The following SEPTIN12 variants were observed in gnomAD, a reference collection of about 807,000 sequenced individuals.
SEPTIN12 encodes septin-12.
SEPTIN12 carries 42 observed loss-of-function variants against 37.7 expected under a neutral mutation model. That is an observed-to-expected ratio of 1.11 (90% CI 0.87 to 1.44). The LOEUF is 1.44. SEPTIN12 is among the 40% of genes most tolerant of loss of function. SEPTIN12 has a pLI of 0.00. For synonymous variants in SEPTIN12, 254 were observed against 196.7 expected (o/e 1.29, Z -2.44); for missense variants, 613 against 479.2 (o/e 1.28, Z -2.61).
At chr16:4,780,629 C>T (rs1034363361) in intron 7 of SEPTIN12, among the ~76,000 whole-genome samples, 3 of 152,118 alleles carry the variant, frequency 2.0e-5, no homozygotes, top group Non-Finnish European at 2.9e-5. Flanking sequence ...TTGCAAACTC[C>T]GAAGTGACAT....
upstream of SEPTIN12, among the ~76,000 whole-genome samples, chr16:4,790,330 G>A (rs984857993): frequency 5.3e-5 from 8 of 152,298 alleles, no homozygotes; most frequent in Non-Finnish European, 1.0e-4. Flanking sequence ...ACAGATGGGC[G>A]TGGCTGTGTC....
chr16:4,778,934 T>C (rs1018881242), intron 8 of SEPTIN12, among the ~76,000 whole-genome samples: 52 of 151,860 alleles, frequency 3.4e-4, no homozygotes, highest in African/African-American at 1.2e-3. Flanking sequence ...GGTCAGGAGT[T>C]TGAGACCAGC....
intron 4 of SEPTIN12, among the ~76,000 whole-genome samples, chr16:4,784,669 C>T (rs1416119561): frequency 6.8e-6 from 1 of 146,416 alleles, no homozygotes; most frequent in Non-Finnish European, 1.5e-5. Context: ...ACTCAGGAGG[C>T]TGAGGCAGGA....
At chr16:4,781,943 CTTTTTTTTTTTT>C (rs571415645) in intron 7 of SEPTIN12, among the ~76,000 whole-genome samples, 1 of 47,450 alleles carries the variant, frequency 2.1e-5, no homozygotes, top group African/African-American at 1.1e-4. Flanking sequence ...CGTGCCCGGC[CTTTTTTTTTTTT>C]TTTTTTTTTT....
intron 7 of SEPTIN12, among the ~76,000 whole-genome samples, chr16:4,781,677 C>T (rs2082372860): frequency 6.7e-6 from 1 of 149,692 alleles, no homozygotes; most frequent in East Asian, 1.9e-4. Context: ...CAGGGTCTCA[C>T]TCCCTTGCCC....
At chr16:4,786,184 T>C (rs1279926125) in intron 2 of SEPTIN12, 79 bp from the exon 3 acceptor site, 4 of 1,502,156 alleles carry the variant, frequency 2.7e-6, no homozygotes, top group African/African-American at 2.8e-5. Context: ...TTTTCTATTT[T>C]ATTTTTGGAG....
intron 7 of SEPTIN12, among the ~76,000 whole-genome samples, chr16:4,781,247 A>G (rs564094830): frequency 6.6e-6 from 1 of 151,072 alleles, no homozygotes; most frequent in Admixed American, 6.6e-5. Flanking sequence ...TGACAGAGGG[A>G]GACTCCATCT....
At chr16:4,779,125 G>A (rs1172518093) in intron 8 of SEPTIN12, among the ~76,000 whole-genome samples, 6 of 151,990 alleles carry the variant, frequency 3.9e-5, no homozygotes, top group Non-Finnish European at 2.9e-5. Context: ...GTGACACTGC[G>A]AGACTCCATC....
chr16:4,783,517 G>C lies in SEPTIN12; in HGVS notation c.671C>G (p.Pro224Arg). 6.2e-7 allele frequency: 1 copy of C among 1,614,140 alleles called. No individual in the cohort carries two copies. The highest frequency in any genetic ancestry group is 8.5e-7 in the Non-Finnish European group (1 of 1,180,026). ...GATGTCCTCGTCAAAGCACATCTGGGGGTAGACGTCGATGCAGTGGGTCCT... is the reference window on the plus strand; with the variant it reads ...GATGTCCTCGTCAAAGCACATCTGGCGGTAGACGTCGATGCAGTGGGTCCT... ...NLRTHCIDVYPQMCFDEDIND... is the reference protein window; with the variant it reads ...NLRTHCIDVYRQMCFDEDIND... The change falls in exon 7 of 10, where the codon CCC becomes CGC. Residue 224 changes from proline to arginine, a missense_variant. Transcript: ENST00000268231.
intron 8 of SEPTIN12, among the ~76,000 whole-genome samples, chr16:4,779,106 C>A (rs2082344891): frequency 6.6e-6 from 1 of 151,592 alleles, no homozygotes; most frequent in Non-Finnish European, 1.5e-5. Context: ...CCACCGCACT[C>A]CAGCTCGGGT....
rs768761387 is a variant in SEPTIN12 at position 4,786,013 on chromosome 16, G to T, written c.259C>A (p.Pro87Thr). The T allele has an allele frequency of 6.2e-7, 1 of 1,613,852 alleles. No homozygotes were observed. Among genetic ancestry groups the T allele is most frequent in the East Asian group, 2.2e-5 (1 of 44,872 alleles). Residue 87 changes from proline to threonine, a missense_variant, in exon 3 of 10, where the codon CCC becomes ACC. Physicochemically the swap from Pro to Thr is conservative, Grantham distance 38. Transcript: ENST00000268231. ...SNPPGLGVPT[P>T]QTLQLHSLTH... Reference sequence around the variant, plus strand: ...AGTGAATGCAGCTGCAGCGTCTGGGGTGTGGGCACCCCCAAGCCCGGTGGG... The same window carrying T: ...AGTGAATGCAGCTGCAGCGTCTGGGTTGTGGGCACCCCCAAGCCCGGTGGG...
chr16:4,779,252 C>T (rs1415951571), intron 8 of SEPTIN12, among the ~76,000 whole-genome samples: 1 of 151,920 alleles, frequency 6.6e-6, no homozygotes, highest in African/African-American at 2.4e-5. Context: ...CCGCCACAAT[C>T]GCCTTCACTG....
upstream of SEPTIN12, among the ~76,000 whole-genome samples, chr16:4,789,215 T>C (rs1018508054): frequency 7.9e-5 from 12 of 152,236 alleles, no homozygotes; most frequent in Admixed American, 7.9e-4. Context: ...TTTCACCACA[T>C]TGGTCAGGCT....
At chr16:4,784,392 T>C in intron 4 of SEPTIN12, 1 of 322,058 alleles carries the variant, frequency 3.1e-6, no homozygotes, top group Non-Finnish European at 6.0e-6. Flanking sequence ...GCCTGATGGT[T>C]GCAGGGGTCT....
upstream of SEPTIN12, among the ~76,000 whole-genome samples, chr16:4,790,403 C>T (rs373718410): frequency 3.3e-5 from 5 of 152,314 alleles, no homozygotes; most frequent in Admixed American, 2.0e-4. Context: ...AGCCCCAGGC[C>T]GACTTCTGCC....
Position 4,783,629 on chromosome 16 carries a change from T to G in SEPTIN12, c.630+20A>C, listed in dbSNP as rs778490746. 1 of 1,612,526 alleles carries G rather than the reference T, an allele frequency of 6.2e-7. No homozygotes were observed. The highest frequency in any genetic ancestry group is 1.3e-5 in the African/African-American group (1 of 74,904). On this transcript the variant is annotated intron_variant, in intron 6 of 9. Transcript: ENST00000268231. ...CCTCTGCCCCCGCTGACCCCAGCCCTGCCCGGGCATCCAGATCACCCTGCG... is the reference window on the plus strand; with the variant it reads ...CCTCTGCCCCCGCTGACCCCAGCCCGGCCCGGGCATCCAGATCACCCTGCG...
chr16:4,789,305 C>G (rs554958592), upstream of SEPTIN12, among the ~76,000 whole-genome samples: 1 of 152,004 alleles, frequency 6.6e-6, no homozygotes, highest in Non-Finnish European at 1.5e-5. Context: ...CCATGCCTGG[C>G]CTTTTTTTTT....
chr16:4,791,178 G>A (rs1031440167), upstream of SEPTIN12, among the ~76,000 whole-genome samples: 1 of 152,250 alleles, frequency 6.6e-6, no homozygotes, highest in East Asian at 1.9e-4. Context: ...GCGGTGAGGG[G>A]AGGAGCCTCA....
At chr16:4,784,497 C>T (rs1484892458) in intron 4 of SEPTIN12, among the ~76,000 whole-genome samples, 5 of 148,502 alleles carry the variant, frequency 3.4e-5, no homozygotes, top group Admixed American at 1.4e-4. Flanking sequence ...AGGCCAGGCC[C>T]GATGGCTCAT....
Sources: allele counts gnomAD v4.1 joint callset (sites outside exome capture counted in the v4.1 genomes callset), GRCh38; gene constraint gnomAD v4.1.1; transcripts MANE v1.5; gene names NCBI Gene and HGNC (gene_info 2026-07-23, HGNC 2026-07-21).